The following IFT88 variants were observed in gnomAD, a reference collection of about 807,000 sequenced individuals.
IFT88 encodes the protein intraflagellar transport protein 88 homolog.
A neutral mutation model predicts 119.5 loss-of-function variants in IFT88; 74 were observed. The ratio of observed to expected loss-of-function variants is 0.62; its 90% CI spans 0.51 to 0.75. The LOEUF is 0.75. IFT88 is among the 30% of genes least tolerant of loss of function. IFT88 has a pLI of 0.00. For synonymous variants in IFT88, 279 were observed against 316.7 expected, an observed-to-expected ratio of 0.88 and a Z score of 1.26; for missense variants, 961 against 977.7, an observed-to-expected ratio of 0.98 and a Z score of 0.23.
chr13:20,616,261 A>G (rs2045594086), intron 14 of IFT88, among the ~76,000 whole-genome samples: 1 of 152,202 alleles, frequency 6.6e-6, no homozygotes, highest in Non-Finnish European at 1.5e-5. Context: ...CTATGCTGCC[A>G]GTTGTATAAA....
At chr13:20,661,751 T>C (rs2053833918) in intron 22 of IFT88, among the ~76,000 whole-genome samples, 1 of 151,072 alleles carries the variant, frequency 6.6e-6, no homozygotes, top group Admixed American at 6.6e-5. Flanking sequence ...AAAAAAAAAT[T>C]ATAAATGTAC....
chr13:20,597,733 G>A (rs7320853), intron 9 of IFT88, among the ~76,000 whole-genome samples: 19,602 of 148,712 alleles, frequency 0.13, 1,451 homozygotes, highest in African/African-American at 0.15. Flanking sequence ...GCGACAGAGC[G>A]AGACTCCGTC....
At chr13:20,670,523 CTTT>C (rs56143632) in intron 23 of IFT88, among the ~76,000 whole-genome samples, 66 of 94,980 alleles carry the variant, frequency 6.9e-4, no homozygotes, top group African/African-American at 1.3e-3. Context: ...CTCAGCTTAC[CTTT>C]TTTTTTTTTT....
At chr13:20,661,724 G>T (rs1280350317) in intron 22 of IFT88, among the ~76,000 whole-genome samples, 6 of 144,398 alleles carry the variant, frequency 4.2e-5, no homozygotes, top group Non-Finnish European at 9.0e-5. Flanking sequence ...GACAGAGCAA[G>T]ACTCCATCTT....
chr13:20,640,684 T>A (rs1286380503), intron 17 of IFT88, among the ~76,000 whole-genome samples: 1 of 152,204 alleles, frequency 6.6e-6, no homozygotes, highest in Non-Finnish European at 1.5e-5. Context: ...ATTTTAAATG[T>A]CTTTAACTAA....
rs141045633 is a variant in IFT88 at position 20,671,966 on chromosome 13, C to T, written c.2242+927C>T. ...TATTGGATGCATACTGTGTGCCAAA[C>T]ACTGTGCTAAGAGCCAAGGACATGG... On this transcript the variant is annotated intron_variant, in intron 24 of 25. Coordinates refer to ENST00000351808, the MANE Select transcript of IFT88 (RefSeq NM_006531.5). Among the ~76,000 whole-genome samples the T allele has an allele frequency of 4.6e-5, 7 of 152,274 alleles. No individual in the cohort carries two copies. The East Asian group carries it at 1.4e-3, about 29-fold the overall frequency.
At chr13:20,636,779 GC>G (rs2049076132) in intron 16 of IFT88, among the ~76,000 whole-genome samples, 1 of 152,214 alleles carries the variant, frequency 6.6e-6, no homozygotes. Context: ...TTTTTAAGCA[GC>G]AGCACCTCAC....
intron 17 of IFT88, among the ~76,000 whole-genome samples, chr13:20,640,655 A>G (rs2049785956): frequency 6.6e-6 from 1 of 152,190 alleles, no homozygotes; most frequent in Non-Finnish European, 1.5e-5. Flanking sequence ...ACTTATTACT[A>G]GCACTTTCCT....
chr13:20,617,633 C>T (rs902350174), intron 14 of IFT88, among the ~76,000 whole-genome samples: 1 of 152,092 alleles, frequency 6.6e-6, no homozygotes, highest in African/African-American at 2.4e-5. Context: ...TCTGCTAATA[C>T]GTAAAAACTC....
At chr13:20,629,455 A>C (rs576606723) in intron 15 of IFT88, among the ~76,000 whole-genome samples, 7 of 152,294 alleles carry the variant, frequency 4.6e-5, no homozygotes, top group African/African-American at 1.7e-4. Flanking sequence ...TTTCTTTTCC[A>C]GTGTTTACTT....
intron 5 of IFT88, 58 bp from the exon 6 acceptor site, chr13:20,591,560 A>G (rs886816818): frequency 1.8e-5 from 23 of 1,300,008 alleles, no homozygotes; most frequent in Non-Finnish European, 2.2e-5. Context: ...TAATGTGCAG[A>G]ACTGTACATA....
rs180835125 is a variant in IFT88, at chr13:20,650,278, G to A, written c.1950-3598G>A. ...ACATATTAAAAGAAGTACATCATTC[G>A]CAAGTGGTATTTACTCCTAGAATGC... On this transcript the variant is annotated intron_variant, in intron 20 of 25. Transcript: ENST00000351808. Among the ~76,000 whole-genome samples the A allele has an allele frequency of 6.6e-5, 10 of 152,130 alleles. No individual in the cohort carries two copies. In the East Asian group the frequency reaches 7.7e-4, roughly 12 times the overall value.
chr13:20,600,110 A>G (rs977140037), intron 11 of IFT88, among the ~76,000 whole-genome samples: 2 of 152,140 alleles, frequency 1.3e-5, no homozygotes, highest in African/African-American at 4.8e-5. Context: ...GGCACAGTAC[A>G]GTTTCTCTGT....
intron 24 of IFT88, among the ~76,000 whole-genome samples, chr13:20,687,022 CAAAA>C (rs370247448): frequency 9.5e-4 from 57 of 59,796 alleles, no homozygotes; most frequent in African/African-American, 2.1e-3. Context: ...ACTTTCTTAC[CAAAA>C]AAAAAAAAAA....
intron 22 of IFT88, among the ~76,000 whole-genome samples, chr13:20,659,265 C>A (rs1020798912): frequency 6.6e-6 from 1 of 152,096 alleles, no homozygotes; most frequent in African/African-American, 2.4e-5. Context: ...ACACCAAGGC[C>A]GGAGGATTGC....
chr13:20,665,727 C>T (rs902086189), intron 23 of IFT88, among the ~76,000 whole-genome samples: 3 of 152,158 alleles, frequency 2.0e-5, no homozygotes, highest in Non-Finnish European at 2.9e-5. Flanking sequence ...TATGATCTGC[C>T]GTGCATATGG....
At chr13:20,625,898 A>G (rs1276315148) in intron 15 of IFT88, 49 bp downstream of exon 15, 1 of 918,198 alleles carries the variant, frequency 1.1e-6, no homozygotes, top group Admixed American at 2.5e-5. Context: ...TTAATTGGTC[A>G]AAGCATTAAA....
At chr13:20,607,144 C>T (rs1444069877) in intron 13 of IFT88, 3 of 393,606 alleles carry the variant, frequency 7.6e-6, no homozygotes, top group Non-Finnish European at 1.6e-5. Flanking sequence ...CCTTGTGCCA[C>T]ATCCTGGTAC....
chr13:20,591,348 A>G (rs942525992), intron 5 of IFT88, among the ~76,000 whole-genome samples: 2 of 152,196 alleles, frequency 1.3e-5, no homozygotes, highest in African/African-American at 4.8e-5. Context: ...ATAGGCATGT[A>G]AGAGACCAAC....
Sources: gnomAD v4.1 joint callset for allele counts (sites outside exome capture counted in the v4.1 genomes callset) on GRCh38, gnomAD v4.1.1 for gene constraint, MANE v1.5 for transcripts, NCBI Gene and HGNC (gene_info 2026-07-23, HGNC 2026-07-21) for gene names.